TERB1: variants seen among roughly 807,000 people sequenced by gnomAD.
The protein encoded by TERB1 is telomere repeats-binding bouquet formation protein 1.
In TERB1, 63 loss-of-function variants were observed where a neutral mutation model predicts 92.3. The ratio of observed to expected loss-of-function variants is 0.68; its 90% CI spans 0.56 to 0.84. The LOEUF (loss-of-function observed/expected upper bound fraction) is 0.84. Among genes scored for constraint, TERB1 ranks in the 40% least tolerant of loss-of-function variants. The probability of loss-of-function intolerance (pLI) is 0.00; values close to 1 mark genes in which losing one functional copy is unlikely to be tolerated. For missense variants in TERB1, 709 were observed against 843.7 expected, an observed-to-expected ratio of 0.84 and a Z score of 1.98; for synonymous variants, 252 against 283.9, an observed-to-expected ratio of 0.89 and a Z score of 1.13.
chr16:66,765,940 C>T lies in TERB1; in HGVS notation c.1780+1475G>A, dbSNP rs1002879294. Among the ~76,000 whole-genome samples the T allele has an allele frequency of 3.9e-4, 52 of 133,346 alleles. 1 individual carries two copies. Among genetic ancestry groups the T allele is most frequent in the Middle Eastern group, 5.0e-3 (1 of 202 alleles). The allele number at this position is 133,346 out of a possible 152,430, so 87.5% of individuals were successfully genotyped here. A position where few individuals can be genotyped will look rare whatever the true frequency, so the allele number is the denominator to read the frequency against. On this transcript the variant is annotated intron_variant, in intron 16 of 18. Coordinates refer to ENST00000433154, the MANE Select transcript of TERB1 (RefSeq NM_001136505.2). Reference sequence around the variant, plus strand: ...ACTGCGGACTGCAGTGGCGCAATCTCGGCTCACTGCAAGCTCCGCTTCCCG... The same window carrying T: ...ACTGCGGACTGCAGTGGCGCAATCTTGGCTCACTGCAAGCTCCGCTTCCCG...
Position 66,758,841 on chromosome 16 carries a change from G to C in TERB1, c.1931-3C>G. ...TCTACGTGGGGTCAGCAGAATTTCTGAAAAATATGGAAAACATTTAGCACA... is the reference window on the plus strand; with the variant it reads ...TCTACGTGGGGTCAGCAGAATTTCTCAAAAATATGGAAAACATTTAGCACA... On this transcript the variant is annotated splice_polypyrimidine_tract_variant and splice_region_variant and intron_variant, in intron 17 of 18. Coordinates refer to ENST00000433154, the MANE Select transcript of TERB1 (RefSeq NM_001136505.2). 1 of 1,515,772 alleles carries C rather than the reference G, an allele frequency of 6.6e-7. No homozygotes were observed. Among genetic ancestry groups the C allele is most frequent in the Non-Finnish European group, 8.9e-7 (1 of 1,120,988 alleles). The allele number at this position is 1,515,772 out of a possible 1,614,324, so 93.9% of individuals were successfully genotyped here. A position where few individuals can be genotyped will look rare whatever the true frequency, so the allele number is the denominator to read the frequency against.
chr16:66,790,320 G>A (rs2018808610), intron 5 of TERB1, among the ~76,000 whole-genome samples: 1 of 145,830 alleles, frequency 6.9e-6, no homozygotes, highest in South Asian at 2.2e-4. Flanking sequence ...GGGAAAGGAG[G>A]GAGGGGAAGG....
intron 12 of TERB1, among the ~76,000 whole-genome samples, chr16:66,774,188 T>TC (rs1317853747): frequency 7.4e-6 from 1 of 135,308 alleles, no homozygotes; most frequent in African/African-American, 2.8e-5. Flanking sequence ...GCCCAAACGT[T>TC]TTTTTTTTTT....
intron 12 of TERB1, among the ~76,000 whole-genome samples, chr16:66,774,479 C>T (rs2018510784): frequency 6.6e-6 from 1 of 151,782 alleles, no homozygotes; most frequent in Non-Finnish European, 1.5e-5. Flanking sequence ...GCCACCGCGC[C>T]CGGCCCCAAA....
chr16:66,784,340 T>G (rs758942551), intron 9 of TERB1, among the ~76,000 whole-genome samples: 15 of 148,606 alleles, frequency 1.0e-4, no homozygotes, highest in African/African-American at 2.5e-4. Flanking sequence ...GTTTTTTGTG[T>G]TTTTTTTTTG....
chr16:66,777,207 A>G lies in TERB1; in HGVS notation c.981T>C (p.Asp327=). The change falls in exon 11 of 19, where the codon GAT becomes GAC. Residue 327 remains aspartate (D), a synonymous_variant. Transcript: ENST00000433154. ...IMLTLGHCTE[D]CEENQYDLFK... ...CTCAATAAATCCAATACTTACCACAATCCTCTGTGCAATGACCAAGAGTAA... is the reference window on the plus strand; with the variant it reads ...CTCAATAAATCCAATACTTACCACAGTCCTCTGTGCAATGACCAAGAGTAA... 2.6e-6 allele frequency: 4 copies of G among 1,547,544 alleles called. No homozygotes were observed. Among genetic ancestry groups the G allele is most frequent in the South Asian group, 1.2e-5 (1 of 83,440 alleles).
intron 9 of TERB1, among the ~76,000 whole-genome samples, chr16:66,782,913 T>C (rs1397269418): frequency 6.6e-6 from 1 of 152,210 alleles, no homozygotes; most frequent in East Asian, 1.9e-4. Flanking sequence ...TTGCCCAGGC[T>C]GGAGTGCCAT....
intron 16 of TERB1, among the ~76,000 whole-genome samples, chr16:66,765,461 CTT>C (rs887640658): frequency 1.2e-4 from 17 of 144,156 alleles, no homozygotes; most frequent in East Asian, 2.0e-4. Flanking sequence ...TTCTTTCTTT[CTT>C]TTTTTTTTTT....
chr16:66,789,302 C>CA (rs1555509450), intron 5 of TERB1, among the ~76,000 whole-genome samples: 3,643 of 118,268 alleles, frequency 0.031, 1,158 homozygotes, highest in East Asian at 0.044. Context: ...AAAAAAAATT[C>CA]GGCCGGGCGC....
At chr16:66,763,166 T>G (rs2018280664) in intron 16 of TERB1, among the ~76,000 whole-genome samples, 1 of 150,690 alleles carries the variant, frequency 6.6e-6, no homozygotes, top group African/African-American at 2.4e-5. Flanking sequence ...AGACAGGGTC[T>G]CACTATGTTG....
intron 14 of TERB1, among the ~76,000 whole-genome samples, chr16:66,769,077 C>T (rs2018398616): frequency 6.6e-6 from 1 of 151,160 alleles, no homozygotes; most frequent in South Asian, 2.1e-4. Flanking sequence ...TGCACTCCAG[C>T]CTGGGCAACA....
chr16:66,777,438 C>A, intron 10 of TERB1, 104 bp from the exon 11 acceptor site: 1 of 614,472 alleles, frequency 1.6e-6, no homozygotes, highest in Non-Finnish European at 2.6e-6. Context: ...TGTTATATAT[C>A]TATATAAAAT....
intron 9 of TERB1, among the ~76,000 whole-genome samples, chr16:66,780,829 C>A (rs780439827): frequency 6.6e-6 from 1 of 152,116 alleles, no homozygotes; most frequent in Non-Finnish European, 1.5e-5. Flanking sequence ...GAAATAGATT[C>A]CAATTTTTTT....
intron 12 of TERB1, 74 bp from the exon 13 acceptor site, chr16:66,772,823 C>A: frequency 8.8e-7 from 1 of 1,132,552 alleles, no homozygotes; most frequent in South Asian, 1.6e-5. Flanking sequence ...CTTCACAGCC[C>A]ACCCTCTCCT....
At chr16:66,789,538 C>T (rs1436220930) in intron 5 of TERB1, among the ~76,000 whole-genome samples, 2 of 30,456 alleles carry the variant, frequency 6.6e-5, no homozygotes, top group South Asian at 1.7e-3. Context: ...GAGCCGAGAT[C>T]GCGCCACTGC....
chr16:66,760,783 C>CAAAAAAA (rs57817560), intron 16 of TERB1, among the ~76,000 whole-genome samples: 5 of 67,218 alleles, frequency 7.4e-5, no homozygotes, highest in African/African-American at 5.9e-5. Flanking sequence ...GACTCCATCT[C>CAAAAAAA]AAAAAAAAAA....
intron 16 of TERB1, among the ~76,000 whole-genome samples, chr16:66,760,126 ATCTC>A: frequency 1.6e-5 from 1 of 61,382 alleles, no homozygotes; most frequent in African/African-American, 9.4e-5. Context: ...GCGAGACTCC[ATCTC>A]AAAAAAAAAA....
chr16:66,772,609 G>A lies in TERB1; in HGVS notation c.1252C>T (p.Leu418Phe). ...AKEILHRIEQ[L>F]EREGNEEEIQ... The stretch of plus-strand genomic sequence containing the variant: ...CCAACCTCATTTCCTTCTCTTTCAA[G>A]CTGTTCTATTCTGTGTAGAATTTCC... The change falls in exon 13 of 19, where the codon CTT becomes TTT. Residue 418 changes from leucine (L) to phenylalanine (F), a missense_variant. By Grantham distance (22) the Leu-to-Phe change is conservative (BLOSUM62 0). Coordinates refer to ENST00000433154, the MANE Select transcript of TERB1 (RefSeq NM_001136505.2). The A allele has an allele frequency of 1.3e-6, 2 of 1,545,870 alleles. No homozygotes were observed. Among genetic ancestry groups the A allele is most frequent in the Non-Finnish European group, 1.7e-6 (2 of 1,145,550 alleles).
At chr16:66,767,589 C>T (rs1026820310) in intron 15 of TERB1, 79 bp from the exon 16 acceptor site, 1 of 708,604 alleles carries the variant, frequency 1.4e-6, no homozygotes, top group Admixed American at 3.2e-5. Flanking sequence ...AAATATCAAG[C>T]TTTTCATAAA....
Sources: gnomAD v4.1 joint callset for allele counts (sites outside exome capture counted in the v4.1 genomes callset) on GRCh38, gnomAD v4.1.1 for gene constraint, MANE v1.5 for transcripts, NCBI Gene and HGNC (gene_info 2026-07-23, HGNC 2026-07-21) for gene names.